EHBP1: variants seen among roughly 807,000 people sequenced by gnomAD.
The protein encoded by EHBP1 is EH domain-binding protein 1.
EHBP1 carries 55 observed loss-of-function variants against 144.0 expected under a neutral mutation model. The ratio of observed to expected loss-of-function variants is 0.38; its 90% CI spans 0.31 to 0.48. The LOEUF (loss-of-function observed/expected upper bound fraction) is 0.48. Among genes scored for constraint, EHBP1 ranks in the 20% least tolerant of loss-of-function variants. EHBP1 has a pLI of 0.98. For synonymous variants in EHBP1, 469 were observed against 472.7 expected, an observed-to-expected ratio of 0.99 and a Z score of 0.10; for missense variants, 1,200 against 1,364.2, an observed-to-expected ratio of 0.88 and a Z score of 1.90.
At chr2:62,865,869 C>T (rs1308723047) in intron 9 of EHBP1, among the ~76,000 whole-genome samples, 2 of 152,080 alleles carry the variant, frequency 1.3e-5, no homozygotes, top group Non-Finnish European at 2.9e-5. Context: ...CTTGGGAGTA[C>T]TGAGGTGACC....
At chr2:62,679,024 CA>C (rs2033414054) in intron 1 of EHBP1, among the ~76,000 whole-genome samples, 1 of 152,210 alleles carries the variant, frequency 6.6e-6, no homozygotes, top group African/African-American at 2.4e-5. Flanking sequence ...TTAGAGAGGC[CA>C]AATGACTCAC....
chr2:62,832,772 T>C (rs2046924898), intron 7 of EHBP1, among the ~76,000 whole-genome samples: 1 of 152,168 alleles, frequency 6.6e-6, no homozygotes, highest in Non-Finnish European at 1.5e-5. Flanking sequence ...GTTCCTCTCC[T>C]TGGGCCTCCT....
chr2:62,724,455 T>G (rs1247955815), intron 2 of EHBP1, among the ~76,000 whole-genome samples: 1 of 152,242 alleles, frequency 6.6e-6, no homozygotes, highest in Non-Finnish European at 1.5e-5. Context: ...GTCCATATAC[T>G]GAATTCTATT....
chr2:62,879,225 C>G (rs1346152410), intron 10 of EHBP1, among the ~76,000 whole-genome samples: 1 of 151,948 alleles, frequency 6.6e-6, no homozygotes, highest in Admixed American at 6.6e-5. Flanking sequence ...CCTTGAGGAC[C>G]AGAACAAAAC....
At chr2:62,683,450 G>A (rs748104357) in intron 1 of EHBP1, among the ~76,000 whole-genome samples, 1 of 152,026 alleles carries the variant, frequency 6.6e-6, no homozygotes, top group Non-Finnish European at 1.5e-5. Context: ...ACGAGGTCAG[G>A]AGATCGAGAC....
At chr2:62,855,416 A>G (rs1199212361) in intron 7 of EHBP1, among the ~76,000 whole-genome samples, 2 of 152,068 alleles carry the variant, frequency 1.3e-5, no homozygotes, top group African/African-American at 4.8e-5. Flanking sequence ...ATTGGCACCT[A>G]CACCCTAGGC....
chr2:62,810,296 A>G (rs1179008497), intron 5 of EHBP1, among the ~76,000 whole-genome samples: 1 of 152,206 alleles, frequency 6.6e-6, no homozygotes, highest in East Asian at 1.9e-4. Context: ...CGGAAGATGA[A>G]ACCGAGGTGT....
At position 62,957,641 on chromosome 2, in the gene EHBP1, CTTTTTTTTTT is replaced by C. The variant is rs1157397512; in HGVS notation, c.2460+1994_2460+2003del. ...TAAAATTAATATTTGAAAATAAATG[CTTTTTTTTTT>C]TTTTTTTTTTTTGAGATGGAGTCTC... On this transcript the variant is annotated intron_variant, in intron 14 of 22. Transcript: ENST00000431489. Among the ~76,000 whole-genome samples, 6 of 87,174 alleles carry C rather than the reference CTTTTTTTTTT, an allele frequency of 6.9e-5. 1 individual carries two copies. Among genetic ancestry groups the C allele is most frequent in the African/African-American group, 1.0e-4 (2 of 19,476 alleles). The allele number at this position is 87,174 out of a possible 152,430, so 57.2% of individuals were successfully genotyped here. A position where few individuals can be genotyped will look rare whatever the true frequency, so the allele number is the denominator to read the frequency against.
At chr2:62,940,424 G>C (rs1025851625) in intron 10 of EHBP1, 3 of 156,806 alleles carry the variant, frequency 1.9e-5, no homozygotes, top group African/African-American at 7.2e-5. Context: ...GGCAGATCTT[G>C]TTACTACAAC....
intron 1 of EHBP1, among the ~76,000 whole-genome samples, chr2:62,688,700 GCTTC>G (rs942161321): frequency 6.7e-6 from 1 of 149,004 alleles, no homozygotes; most frequent in Non-Finnish European, 1.5e-5. Flanking sequence ...TTTTTTTTTA[GCTTC>G]CACAGATGAG....
chr2:62,825,825 C>T (rs67657712), intron 5 of EHBP1, among the ~76,000 whole-genome samples: 24,435 of 151,854 alleles, frequency 0.16, 2,282 homozygotes, highest in Middle Eastern at 0.33. Context: ...CTTGCTTCTC[C>T]TTTTCTGGTG....
intron 10 of EHBP1, among the ~76,000 whole-genome samples, chr2:62,905,388 G>A (rs1341217164): frequency 6.6e-6 from 1 of 152,214 alleles, no homozygotes; most frequent in Non-Finnish European, 1.5e-5. Flanking sequence ...TCATCAAGGG[G>A]AATGAATAGT....
chr2:62,838,712 C>T (rs567279365), intron 7 of EHBP1, among the ~76,000 whole-genome samples: 13 of 151,838 alleles, frequency 8.6e-5, no homozygotes, highest in African/African-American at 3.1e-4. Flanking sequence ...ACTACAAACA[C>T]CTCTATGCAA....
chr2:63,018,040 T>C (rs1280323426), intron 19 of EHBP1, among the ~76,000 whole-genome samples: 1 of 152,112 alleles, frequency 6.6e-6, no homozygotes, highest in Non-Finnish European at 1.5e-5. Flanking sequence ...GGCACATGAC[T>C]GTAGTTCCCA....
chr2:62,994,114 G>A, intron 18 of EHBP1, 137 bp downstream of exon 18: 1 of 533,322 alleles, frequency 1.9e-6, no homozygotes, highest in Non-Finnish European at 3.3e-6. Context: ...CAGAGTGAGA[G>A]GGGTGCACTG....
At chr2:62,890,218 G>A (rs1234325650) in intron 10 of EHBP1, among the ~76,000 whole-genome samples, 1 of 152,080 alleles carries the variant, frequency 6.6e-6, no homozygotes, top group Non-Finnish European at 1.5e-5. Flanking sequence ...TTACAAGCAT[G>A]AGCCACCACG....
chr2:62,721,101 T>C (rs1478526414), intron 2 of EHBP1, among the ~76,000 whole-genome samples: 2 of 152,236 alleles, frequency 1.3e-5, no homozygotes, highest in Non-Finnish European at 2.9e-5. Context: ...GGTTACCACA[T>C]TGCATTTAGT....
chr2:63,026,117 C>T (rs534207254), intron 19 of EHBP1, among the ~76,000 whole-genome samples: 1 of 152,310 alleles, frequency 6.6e-6, no homozygotes, highest in South Asian at 2.1e-4. Flanking sequence ...CAACTTCAGA[C>T]TTGCACTGAG....
rs1426688964 is a variant in EHBP1 at position 62,943,857 on chromosome 2, A to C, written c.1413+7A>C. ...TAAAGAGAACAACAAAAAGGTAAGA[A>C]TTGATGAGCAAGAAAAATACGTAGT... On this transcript the variant is annotated splice_region_variant and intron_variant, in intron 12 of 22. Transcript: ENST00000431489. 1.9e-6 allele frequency: 3 copies of C among 1,595,580 alleles called. No individual in the cohort carries two copies. Among genetic ancestry groups the C allele is most frequent in the South Asian group, 2.3e-5 (2 of 88,722 alleles).
Sources: allele counts gnomAD v4.1 joint callset (sites outside exome capture counted in the v4.1 genomes callset), GRCh38; gene constraint gnomAD v4.1.1; transcripts MANE v1.5; gene names NCBI Gene and HGNC (gene_info 2026-07-23, HGNC 2026-07-21).